The following DAB1 variants were observed in gnomAD, a reference collection of about 807,000 sequenced individuals.
DAB1 encodes the protein DAB adaptor protein 1, also known as disabled homolog 1.
DAB1 carries 15 observed loss-of-function variants against 64.6 expected under a neutral mutation model. That is an observed-to-expected ratio of 0.23 (90% CI 0.16 to 0.36). The LOEUF (loss-of-function observed/expected upper bound fraction) is 0.36, where lower values mean the gene tolerates loss of function less well. Ranked by LOEUF, DAB1 falls within the 10% of genes least tolerant of loss-of-function variation. The pLI, the probability that DAB1 is intolerant of heterozygous loss-of-function variation, is 1.00. For synonymous variants in DAB1, 235 were observed against 251.9 expected (o/e 0.93, Z 0.64); for missense variants, 596 against 706.7 (o/e 0.84, Z 1.78).
At chr1:57,851,963 T>G (rs1653544139) in intron 1 of DAB1, among the ~76,000 whole-genome samples, 1 of 152,206 alleles carries the variant, frequency 6.6e-6, no homozygotes, top group African/African-American at 2.4e-5. Context: ...CCCTTGGGGC[T>G]TAGAACACAA....
chr1:57,365,764 A>C (rs1679947028), intron 1 of DAB1, among the ~76,000 whole-genome samples: 1 of 152,206 alleles, frequency 6.6e-6, no homozygotes, highest in African/African-American at 2.4e-5. Context: ...AAAAAGTCTC[A>C]GAAAGAGATT....
intron 4 of DAB1, among the ~76,000 whole-genome samples, chr1:58,335,134 T>C (rs1663082551): frequency 6.6e-6 from 1 of 152,118 alleles, no homozygotes. Context: ...GAAAGGAACA[T>C]TTGAGCAAAG....
intron 1 of DAB1, among the ~76,000 whole-genome samples, chr1:57,845,263 T>C (rs574713841): frequency 7.2e-5 from 11 of 152,308 alleles, no homozygotes; most frequent in South Asian, 6.2e-4. Context: ...AATCTGATGA[T>C]TAAACTGTGA....
upstream of DAB1, chr1:57,424,136 C>G (rs1377343695): frequency 6.7e-6 from 1 of 149,408 alleles, no homozygotes; most frequent in Non-Finnish European, 1.5e-5. Flanking sequence ...CGCCTCCTCC[C>G]GCGGCCCCCC....
chr1:57,060,622 T>C lies in DAB1; in HGVS notation c.723+2262A>G, dbSNP rs554481110. On this transcript the variant is annotated intron_variant, in intron 9 of 14. Transcript: ENST00000371236. ...CACAAAGGCAGGAGTGATCTGCTGT[T>C]GCTGTTCAGAGCGAAAGTCCAGAAA... Among the ~76,000 whole-genome samples the C allele has an allele frequency of 1.7e-3, 258 of 152,318 alleles. 1 individual carries two copies. The highest frequency in any genetic ancestry group is 6.0e-3 in the African/African-American group (249 of 41,578).
intron 3 of DAB1, among the ~76,000 whole-genome samples, chr1:58,393,234 T>C (rs1644491319): frequency 6.6e-6 from 1 of 151,558 alleles, no homozygotes; most frequent in Non-Finnish European, 1.5e-5. Context: ...ACCAAATTTC[T>C]AGTTCTAGTC....
chr1:57,387,124 C>T (rs1263509793), intron 1 of DAB1: 2 of 152,278 alleles, frequency 1.3e-5, no homozygotes, highest in East Asian at 1.9e-4. Context: ...TCAGTTCCCT[C>T]ACTTACTAGG....
At chr1:57,051,103 A>G (rs898374766) in intron 9 of DAB1, among the ~76,000 whole-genome samples, 1 of 152,236 alleles carries the variant, frequency 6.6e-6, no homozygotes, top group Non-Finnish European at 1.5e-5. Context: ...GACTCTAGAA[A>G]TTCAGGATTC....
At chr1:57,936,983 C>T (rs1393132177) in intron 5 of DAB1, among the ~76,000 whole-genome samples, 1 of 152,062 alleles carries the variant, frequency 6.6e-6, no homozygotes, top group Non-Finnish European at 1.5e-5. Flanking sequence ...TTTGCACCAA[C>T]TCTTCCCTTT....
intron 1 of DAB1, among the ~76,000 whole-genome samples, chr1:57,317,761 A>G (rs1362481031): frequency 6.6e-6 from 1 of 152,182 alleles, no homozygotes; most frequent in Non-Finnish European, 1.5e-5. Context: ...CAGGTGATTT[A>G]CAGGTACATC....
At position 57,554,207 on chromosome 1, in the gene DAB1, G is replaced by A. The variant is rs77405092; in HGVS notation, n.625+95385C>T. Among the ~76,000 whole-genome samples, 1,411 of 152,306 alleles carry A rather than the reference G, an allele frequency of 9.3e-3. 40 individuals are homozygous for A. Among genetic ancestry groups the A allele is most frequent in the East Asian group, 0.046 (237 of 5,174 alleles). On this transcript the variant is annotated intron_variant and non_coding_transcript_variant, in intron 7 of 20. Transcript: ENST00000485760. Reference sequence around the variant, plus strand: ...CTTGTTCTAGGCTACTAGAAAAGGAGGTAAAAATCCCATATAATCCAATAA... The same window carrying A: ...CTTGTTCTAGGCTACTAGAAAAGGAAGTAAAAATCCCATATAATCCAATAA...
intron 3 of DAB1, among the ~76,000 whole-genome samples, chr1:58,359,195 C>G (rs867270012): frequency 2.0e-5 from 3 of 152,274 alleles, no homozygotes; most frequent in Non-Finnish European, 2.9e-5. Flanking sequence ...CCTAGGCAAG[C>G]CTTCTTACCA....
At chr1:57,700,876 G>T (rs894941348) in intron 6 of DAB1, among the ~76,000 whole-genome samples, 8 of 151,966 alleles carry the variant, frequency 5.3e-5, no homozygotes, top group Non-Finnish European at 7.4e-5. Flanking sequence ...TTTTCATTCT[G>T]CTTTCTTTTT....
chr1:57,024,867 A>C (rs997635378), intron 10 of DAB1, among the ~76,000 whole-genome samples: 5 of 152,236 alleles, frequency 3.3e-5, no homozygotes, highest in African/African-American at 1.2e-4. Context: ...CGCTAGAGCC[A>C]TCCAGCTTCT....
rs139890663 is a variant in DAB1 at position 57,949,164 on chromosome 1, G to C, written n.388-65002C>G. 7.4e-3 allele frequency among the ~76,000 whole-genome samples: 1,124 copies of C among 151,452 alleles called. 14 individuals are homozygous for C. Among genetic ancestry groups the C allele is most frequent in the African/African-American group, 0.026 (1,078 of 41,266 alleles). ...ATTTTATGCAAGACAATATTTCCAT[G>C]GGGGGGGCTGGGGGGATGGTTTGGG... On this transcript the variant is annotated intron_variant and non_coding_transcript_variant, in intron 5 of 20. Transcript: ENST00000485760.
chr1:57,928,727 CATT>C (rs1168900140), intron 5 of DAB1, among the ~76,000 whole-genome samples: 2 of 152,296 alleles, frequency 1.3e-5, no homozygotes, highest in East Asian at 3.9e-4. Flanking sequence ...CACATTGGCT[CATT>C]TCACTTAGTA....
intron 5 of DAB1, among the ~76,000 whole-genome samples, chr1:57,910,305 G>A (rs1416915375): frequency 6.6e-6 from 1 of 152,050 alleles, no homozygotes; most frequent in African/African-American, 2.4e-5. Flanking sequence ...CTTTACTGCT[G>A]AGCAGTGTAT....
chr1:57,281,584 G>A (rs1405004957), intron 2 of DAB1, among the ~76,000 whole-genome samples: 2 of 152,168 alleles, frequency 1.3e-5, no homozygotes, highest in Non-Finnish European at 2.9e-5. Flanking sequence ...CCTCTCTGAT[G>A]CCATGATAAG....
At chr1:58,087,007 T>A (rs1432709059) in intron 5 of DAB1, among the ~76,000 whole-genome samples, 2 of 152,170 alleles carry the variant, frequency 1.3e-5, no homozygotes, top group African/African-American at 4.8e-5. Flanking sequence ...CTGTGGAATC[T>A]GACAATTATT....
Sources: allele counts gnomAD v4.1 joint callset (sites outside exome capture counted in the v4.1 genomes callset), GRCh38; gene constraint gnomAD v4.1.1; transcripts MANE v1.5; gene names NCBI Gene and HGNC (gene_info 2026-07-23, HGNC 2026-07-21).